The following PRKG2 variants were observed in gnomAD, a reference collection of about 807,000 sequenced individuals.
The protein encoded by PRKG2 is protein kinase cGMP-dependent 2.
A neutral mutation model predicts 97.2 loss-of-function variants in PRKG2; 33 were observed. The observed-to-expected ratio is 0.34, with a 90% CI of 0.26 to 0.45. PRKG2 has a LOEUF of 0.45. Among genes scored for constraint, PRKG2 ranks in the 20% least tolerant of loss-of-function variants. PRKG2 has a pLI of 1.00. For missense variants in PRKG2, 638 were observed against 900.0 expected (o/e 0.71, Z 3.73); for synonymous variants, 330 against 321.8 (o/e 1.03, Z -0.27).
intron 14 of PRKG2, among the ~76,000 whole-genome samples, chr4:81,131,971 A>G (rs1746225836): frequency 1.3e-5 from 2 of 152,166 alleles, no homozygotes; most frequent in African/African-American, 4.8e-5. Context: ...CATTTCTAAA[A>G]AAATGGCTGC....
At position 81,133,013 on chromosome 4, in the gene PRKG2, T is replaced by C. The variant is rs1003326277; in HGVS notation, c.1776+2142A>G. On this transcript the variant is annotated intron_variant, in intron 14 of 18. Transcript: ENST00000264399. ...TTTTTTAATGCTGGCTTATGTTCCCTAGAACTTTAGATCCAGTAGTTCTTT... is the reference window on the plus strand; with the variant it reads ...TTTTTTAATGCTGGCTTATGTTCCCCAGAACTTTAGATCCAGTAGTTCTTT... Among the ~76,000 whole-genome samples, 10 of 152,296 alleles carry C rather than the reference T, an allele frequency of 6.6e-5. No individual in the cohort carries two copies. The Middle Eastern group carries it at 0.031, about 466-fold the overall frequency.
chr4:81,119,824 G>A (rs937731159), intron 14 of PRKG2, among the ~76,000 whole-genome samples: 19 of 151,792 alleles, frequency 1.3e-4, no homozygotes, highest in Non-Finnish European at 2.1e-4. Context: ...ACAGGCACCC[G>A]CCACCATGCC....
chr4:81,185,315 C>T (rs1751777614), intron 2 of PRKG2, among the ~76,000 whole-genome samples: 1 of 152,040 alleles, frequency 6.6e-6, no homozygotes, highest in South Asian at 2.1e-4. Flanking sequence ...AGAGTGGGGG[C>T]CAATATTCAA....
chr4:81,117,587 G>T (rs1281464193), intron 14 of PRKG2, among the ~76,000 whole-genome samples: 1 of 152,042 alleles, frequency 6.6e-6, no homozygotes, highest in Non-Finnish European at 1.5e-5. Context: ...ACTGAATGTA[G>T]AAATACGTTA....
chr4:81,115,712 C>G (rs918822593), intron 14 of PRKG2, among the ~76,000 whole-genome samples: 1 of 152,170 alleles, frequency 6.6e-6, no homozygotes, highest in African/African-American at 2.4e-5. Context: ...ATTTCACTAT[C>G]TAGAACTATG....
intron 14 of PRKG2, among the ~76,000 whole-genome samples, chr4:81,117,450 G>C (rs1203746123): frequency 1.3e-5 from 2 of 151,954 alleles, no homozygotes; most frequent in African/African-American, 4.8e-5. Flanking sequence ...GAGAGTTAGT[G>C]GTATACTTCC....
In PRKG2 at chr4:81,110,676, C is replaced by T. The variant is rs532087847; in HGVS notation, c.1777-65G>A. On this transcript the variant is annotated intron_variant, in intron 14 of 18. Coordinates refer to ENST00000264399, the MANE Select transcript of PRKG2 (RefSeq NM_006259.3). ...AACTCATGCTCCTCTTTAAGCCTCC[C>T]TCTTACCTCTGAAATCTGCTTTCTA... The T allele has an allele frequency of 1.7e-5, 27 of 1,566,218 alleles. No homozygotes were observed. The African/African-American group carries it at 3.4e-4, about 20-fold the overall frequency.
intron 2 of PRKG2, among the ~76,000 whole-genome samples, chr4:81,181,778 G>A (rs2110097451): frequency 6.6e-6 from 1 of 151,918 alleles, no homozygotes; most frequent in Non-Finnish European, 1.5e-5. Context: ...TGCCAAAATA[G>A]TTGTTCATAC....
chr4:81,142,838 T>A lies in PRKG2; in HGVS notation c.1363A>T (p.Ile455Phe), dbSNP rs767064866. Residue 455 changes from isoleucine to phenylalanine, a missense_variant, in exon 11 of 19, where the codon ATT becomes TTT. Ile to Phe is a conservative substitution (Grantham distance 21). This residue lies in a region of PRKG2 where 304 missense variants were observed against 460.5 expected (regional missense o/e 0.66). Transcript: ENST00000264399. ...SSSSPFQNLE[I>F]IATLGVGGFG... ...CCACCAACGCCCAGTGTTGCAATAA[T>A]CTCAAGGTTCTGGAATGGGGATGAT... 3 of 1,612,420 alleles carry A rather than the reference T, an allele frequency of 1.9e-6. No individual in the cohort carries two copies. Among genetic ancestry groups the A allele is most frequent in the Non-Finnish European group, 2.5e-6 (3 of 1,178,946 alleles).
chr4:81,157,107 C>CA (rs1253724971), intron 6 of PRKG2, among the ~76,000 whole-genome samples: 13 of 152,060 alleles, frequency 8.5e-5, no homozygotes, highest in Non-Finnish European at 1.3e-4. Context: ...AATAGAGATA[C>CA]AAAAAACCCT....
At chr4:81,177,792 T>C (rs1397054037) in intron 2 of PRKG2, among the ~76,000 whole-genome samples, 1 of 151,962 alleles carries the variant, frequency 6.6e-6, no homozygotes, top group Non-Finnish European at 1.5e-5. Context: ...AAAACAACTA[T>C]AAAAGCTGAT....
chr4:81,114,614 T>C (rs1000990973), intron 14 of PRKG2, among the ~76,000 whole-genome samples: 13 of 152,196 alleles, frequency 8.5e-5, no homozygotes, highest in African/African-American at 3.1e-4. Context: ...ATTTTTAATT[T>C]TCAATTTAAA....
chr4:81,170,725 A>G (rs1031378203), intron 4 of PRKG2, among the ~76,000 whole-genome samples: 1 of 152,162 alleles, frequency 6.6e-6, no homozygotes, highest in African/African-American at 2.4e-5. Context: ...ATCTAAAGAA[A>G]AGCAAGTAAA....
At chr4:81,129,805 T>G (rs1745981447) in intron 14 of PRKG2, among the ~76,000 whole-genome samples, 1 of 152,214 alleles carries the variant, frequency 6.6e-6, no homozygotes, top group Admixed American at 6.5e-5. Context: ...TCTGTGTCTT[T>G]TAATTGGGGC....
intron 1 of PRKG2, among the ~76,000 whole-genome samples, chr4:81,213,878 G>A (rs956863501): frequency 3.3e-5 from 5 of 151,962 alleles, no homozygotes; most frequent in African/African-American, 1.2e-4. Flanking sequence ...AAGATCCCTG[G>A]GCATCATCTT....
In PRKG2 at chr4:81,204,569, G is replaced by C. The variant is rs754740087; in HGVS notation, c.461+18C>G. 3.1e-6 allele frequency: 5 copies of C among 1,599,756 alleles called. No homozygotes were observed. Among genetic ancestry groups the C allele is most frequent in the Non-Finnish European group, 8.5e-7 (1 of 1,171,122 alleles). On this transcript the variant is annotated intron_variant, in intron 2 of 18. Transcript: ENST00000264399. ...ATATTAAGCCCATCTGAGTTTAAAG[G>C]ATGCGGAAATTTCTTACCTGGAGTC...
intron 14 of PRKG2, among the ~76,000 whole-genome samples, chr4:81,116,768 G>A (rs924877448): frequency 1.3e-5 from 2 of 152,000 alleles, no homozygotes; most frequent in African/African-American, 4.8e-5. Context: ...CCCATGATTA[G>A]TGATGTTGAG....
At chr4:81,216,273 G>A (rs2110142965), upstream of PRKG2, among the ~76,000 whole-genome samples, 1 of 152,078 alleles carries the variant, frequency 6.6e-6, no homozygotes, top group East Asian at 1.9e-4. Context: ...ATATAGTCCT[G>A]TTTGTTTTTG....
intron 6 of PRKG2, among the ~76,000 whole-genome samples, chr4:81,159,021 A>C (rs1364157943): frequency 1.3e-5 from 2 of 152,174 alleles, no homozygotes; most frequent in East Asian, 1.9e-4. Context: ...AAGAAAACCT[A>C]GGCATTACCA....
Sources: gnomAD v4.1 joint callset for allele counts (sites outside exome capture counted in the v4.1 genomes callset) on GRCh38, gnomAD v4.1.1 for gene constraint, gnomAD v4.1.1 regional missense constraint, MANE v1.5 for transcripts, NCBI Gene and HGNC (gene_info 2026-07-23, HGNC 2026-07-21) for gene names.